Variants in ERCC3 observed in about 807,000 individuals in gnomAD.
The protein encoded by ERCC3 is ERCC excision repair 3, TFIIH core complex helicase subunit, also known as general transcription and DNA repair factor IIH helicase/translocase subunit XPB.
Under a neutral mutation model 94.2 loss-of-function variants are expected in ERCC3, and 66 were observed. The ratio of observed to expected loss-of-function variants is 0.70; its 90% CI spans 0.57 to 0.86. The LOEUF (loss-of-function observed/expected upper bound fraction) is 0.86, where lower values mean the gene tolerates loss of function less well. ERCC3 is among the 40% of genes least tolerant of loss of function. The pLI, the probability that ERCC3 is intolerant of heterozygous loss-of-function variation, is 0.00. For synonymous variants in ERCC3, 349 were observed against 369.1 expected, an observed-to-expected ratio of 0.95 and a Z score of 0.63; for missense variants, 829 against 987.1, an observed-to-expected ratio of 0.84 and a Z score of 2.15.
In ERCC3 at chr2:127,271,479, T is replaced by C; in HGVS notation, c.1828-26A>G. 1 of 1,505,934 alleles carries C rather than the reference T, an allele frequency of 6.6e-7. No individual in the cohort carries two copies. Among genetic ancestry groups the C allele is most frequent in the Non-Finnish European group, 9.2e-7 (1 of 1,087,026 alleles). The allele number at this position is 1,505,934 out of a possible 1,614,324, so 93.3% of individuals were successfully genotyped here. On this transcript the variant is annotated intron_variant, in intron 11 of 14. Transcript: ENST00000285398. This position sits in a 1 kb window ranked among gnomAD's most constrained non-coding sequence, Gnocchi z 5.0. ...CTACAGAAACAAGTTGGAAGGTTTTTATATATGAGGAAAAAAAAAAAGTCA... is the reference window on the plus strand; with the variant it reads ...CTACAGAAACAAGTTGGAAGGTTTTCATATATGAGGAAAAAAAAAAAGTCA...
At chr2:127,268,325 G>A (rs918103020) in intron 12 of ERCC3, among the ~76,000 whole-genome samples, 3 of 151,896 alleles carry the variant, frequency 2.0e-5, no homozygotes, top group Non-Finnish European at 4.4e-5. Flanking sequence ...GTGGTGAGAT[G>A]TCAGATCACT....
intron 7 of ERCC3, 32 bp from the exon 8 acceptor site, chr2:127,287,049 G>A (rs1050699452): frequency 9.6e-6 from 15 of 1,566,810 alleles, no homozygotes; most frequent in Non-Finnish European, 1.3e-5. Flanking sequence ...TCCCACCCAA[G>A]GACAGGTTGA....
chr2:127,290,093 G>T, intron 4 of ERCC3, 131 bp downstream of exon 4: 1 of 862,758 alleles, frequency 1.2e-6, no homozygotes, highest in Non-Finnish European at 2.0e-6. Context: ...CACATCTCTT[G>T]TTTCTCTTCT....
rs1684867209 is a variant in ERCC3, at chr2:127,280,290, TACC to T, written c.1527+154_1527+156del. Among the ~76,000 whole-genome samples, 1 of 152,210 alleles carries T rather than the reference TACC, an allele frequency of 6.6e-6. No individual in the cohort carries two copies. Among genetic ancestry groups the T allele is most frequent in the Non-Finnish European group, 1.5e-5 (1 of 68,036 alleles). The stretch of plus-strand genomic sequence containing the variant: ...GAAGATATGCAGCAAGTGGGTCTAG[TACC>T]ACCCAACCACAGGGTGACTGAGGAT... On this transcript the variant is annotated intron_variant, in intron 9 of 14. Transcript: ENST00000285398. The surrounding 1 kb of genome is among the most constrained non-coding windows in gnomAD (Gnocchi z 6.3).
intron 8 of ERCC3, among the ~76,000 whole-genome samples, chr2:127,286,087 T>A (rs144041261): frequency 1.4e-4 from 22 of 152,250 alleles, no homozygotes; most frequent in Admixed American, 5.2e-4. Context: ...CACCACCATT[T>A]TGGGAAGGGC....
rs1006613674 is a variant in ERCC3, at chr2:127,284,860, T to C, written c.1342+1843A>G. Among the ~76,000 whole-genome samples the C allele has an allele frequency of 6.6e-6, 1 of 151,650 alleles. No individual in the cohort carries two copies. Among genetic ancestry groups the C allele is most frequent in the African/African-American group, 2.4e-5 (1 of 41,266 alleles). On this transcript the variant is annotated intron_variant, in intron 8 of 14. Coordinates refer to ENST00000285398, the MANE Select transcript of ERCC3 (RefSeq NM_000122.2). This position sits in a 1 kb window ranked among gnomAD's most constrained non-coding sequence, Gnocchi z 4.1. ...CACCACACTTGGCTAATTAAAAAAA[T>C]TTTTTTTTGTAGAGACATGTCTCAC... is the stretch of plus-strand genomic sequence containing the variant.
At chr2:127,278,439 T>C (rs1396258908) in intron 10 of ERCC3, among the ~76,000 whole-genome samples, 2 of 152,328 alleles carry the variant, frequency 1.3e-5, no homozygotes, top group East Asian at 3.9e-4. Context: ...TTTAGAAACT[T>C]AAGAAATTTA....
intron 10 of ERCC3, among the ~76,000 whole-genome samples, chr2:127,278,362 G>A (rs1234603259): frequency 6.6e-6 from 1 of 152,152 alleles, no homozygotes; most frequent in Admixed American, 6.5e-5. Flanking sequence ...GGGAATTGCT[G>A]TTTTTCACAA....
chr2:127,283,884 T>C (rs746195818), intron 8 of ERCC3, among the ~76,000 whole-genome samples: 4 of 152,226 alleles, frequency 2.6e-5, no homozygotes, highest in Non-Finnish European at 4.4e-5. Flanking sequence ...TCTATCAATT[T>C]CTTTGGCCTA....
chr2:127,272,977 G>A lies in ERCC3; in HGVS notation c.1731-16C>T. On this transcript the variant is annotated splice_polypyrimidine_tract_variant and intron_variant, in intron 10 of 14. Coordinates refer to ENST00000285398, the MANE Select transcript of ERCC3 (RefSeq NM_000122.2). ...GATATAGGGTCTAGAGAAGAATGAA[G>A]CTGTGTTAGACCACAGAATAATGCC... 6.7e-7 allele frequency: 1 copy of A among 1,499,062 alleles called. No homozygotes were observed. The highest frequency in any genetic ancestry group is 9.3e-7 in the Non-Finnish European group (1 of 1,075,256). 92.9% of individuals were successfully genotyped at this position (1,499,062 alleles called of 1,614,324 possible). A position where few individuals can be genotyped will look rare whatever the true frequency, so the allele number is the denominator to read the frequency against.
At chr2:127,289,933 C>A in intron 4 of ERCC3, 109 bp from the exon 5 acceptor site, 1 of 1,308,874 alleles carries the variant, frequency 7.6e-7, no homozygotes, top group Non-Finnish European at 1.1e-6. Flanking sequence ...TGACTCTCCC[C>A]ACAACCCTTC....
In ERCC3 at chr2:127,292,481, C is replaced by T. The variant is rs903667836; in HGVS notation, c.471+129G>A. On this transcript the variant is annotated intron_variant, in intron 3 of 14. Transcript: ENST00000285398. Reference sequence around the variant, plus strand: ...GAGTGTAGCGGCTGGGGTAATCAGTCGTTATGCTCCCCACAGGAAATCTGA... The same window carrying T: ...GAGTGTAGCGGCTGGGGTAATCAGTTGTTATGCTCCCCACAGGAAATCTGA... 6.6e-5 allele frequency: 52 copies of T among 782,720 alleles called. No homozygotes were observed. The Admixed American group carries it at 8.3e-4, about 13-fold the overall frequency. 48.5% of individuals were successfully genotyped at this position (782,720 alleles called of 1,614,324 possible).
In ERCC3 at chr2:127,288,711, T is replaced by C. The variant is rs1205729889; in HGVS notation, c.976A>G (p.Lys326Glu). 6.2e-7 allele frequency: 1 copy of C among 1,614,158 alleles called. No homozygotes were observed. The highest frequency in any genetic ancestry group is 1.3e-5 in the African/African-American group (1 of 75,036). ...CGTGCACGCCCGTTTCCAAACATCT[T>C]TCGCAAGCTCTTCTCCTGATAGGGT... is the stretch of plus-strand genomic sequence containing the variant. ...LRPYQEKSLR[K>E]MFGNGRARSG... The change falls in exon 7 of 15, where the codon AAG (lysine) becomes GAG (glutamate). Residue 326 changes from lysine to glutamate, a missense_variant. Coordinates refer to ENST00000285398, the MANE Select transcript of ERCC3 (RefSeq NM_000122.2).
intron 3 of ERCC3, chr2:127,292,304 C>T: frequency 4.2e-6 from 2 of 470,930 alleles, no homozygotes; most frequent in Non-Finnish European, 7.9e-6. Flanking sequence ...TCCCTGGCTA[C>T]AATGGGCCTG....
chr2:127,279,425 C>A lies in ERCC3; in HGVS notation c.1528-50G>T, dbSNP rs1488291764. On this transcript the variant is annotated intron_variant, in intron 9 of 14. Transcript: ENST00000285398. This position sits in a 1 kb window ranked among gnomAD's most constrained non-coding sequence, Gnocchi z 4.7. ...TCATTTTACAAGTTTAAACACCACA[C>A]AATTTAAAACTTTTGAAGACCTTTC... 7.1e-7 allele frequency: 1 copy of A among 1,402,588 alleles called. No individual in the cohort carries two copies. Among genetic ancestry groups the A allele is most frequent in the Non-Finnish European group, 1.0e-6 (1 of 987,338 alleles). The allele number at this position is 1,402,588 out of a possible 1,614,324, so 86.9% of individuals were successfully genotyped here.
Position 127,271,356 on chromosome 2 carries a change from C to T in ERCC3, c.1925G>A (p.Arg642Gln), listed in dbSNP as rs1427747564. ...TTTACCTTTTTTAGCTCGAAGCACC[C>T]GCCCTAGCCTTTGGGCTTCCTGACG... ...SRRQEAQRLGRVLRAKKGMVA... is the reference protein window; with the variant it reads ...SRRQEAQRLGQVLRAKKGMVA... Residue 642 changes from arginine to glutamine, a missense_variant, in exon 12 of 15, where the codon CGG (arginine) becomes CAG (glutamine). Transcript: ENST00000285398. This position sits in a 1 kb window ranked among gnomAD's most constrained non-coding sequence, Gnocchi z 5.0. 10 of 1,613,444 alleles carry T rather than the reference C, an allele frequency of 6.2e-6. No individual in the cohort carries two copies. Among genetic ancestry groups the T allele is most frequent in the African/African-American group, 4.0e-5 (3 of 74,860 alleles).
Position 127,293,554 on chromosome 2 carries a change from T to G in ERCC3, c.193A>C (p.Met65Leu). The change falls in exon 2 of 15, where the codon ATG (methionine) becomes CTG (leucine). Residue 65 changes from methionine (M) to leucine (L), a missense_variant. Physicochemically the swap from Met to Leu is conservative, Grantham distance 15. Transcript: ENST00000285398. ...GAGGTGTGGTCGTCCTTCAGCGGCA[T>G]TTGCAGCCTGTAGTCCTTGGCTCCA... ...EYGAKDYRLQMPLKDDHTSRP... is the reference protein window; with the variant it reads ...EYGAKDYRLQLPLKDDHTSRP... 3.7e-6 allele frequency: 6 copies of G among 1,614,182 alleles called. No individual in the cohort carries two copies. Among genetic ancestry groups the G allele is most frequent in the African/African-American group, 1.3e-5 (1 of 75,050 alleles).
At position 127,274,158 on chromosome 2, in the gene ERCC3, A is replaced by T. The variant is rs1458537479; in HGVS notation, c.1731-1197T>A. Among the ~76,000 whole-genome samples, 1 of 151,570 alleles carries T rather than the reference A, an allele frequency of 6.6e-6. No individual in the cohort carries two copies. Among genetic ancestry groups the T allele is most frequent in the Non-Finnish European group, 1.5e-5 (1 of 67,888 alleles). ...GTGAGACCCCATCTCTACTAAAAAT[A>T]AAAAAAATTAGCTGGGTATGGTGGT... On this transcript the variant is annotated intron_variant, in intron 10 of 14. Coordinates refer to ENST00000285398, the MANE Select transcript of ERCC3 (RefSeq NM_000122.2). The surrounding 1 kb of genome is among the most constrained non-coding windows in gnomAD (Gnocchi z 4.0).
intron 7 of ERCC3, among the ~76,000 whole-genome samples, chr2:127,287,652 T>C (rs1048182785): frequency 6.6e-6 from 1 of 151,900 alleles, no homozygotes; most frequent in Non-Finnish European, 1.5e-5. Context: ...AAAAGAAAGA[T>C]TGAAAAACTA....
Sources: gnomAD v4.1 joint callset for allele counts (sites outside exome capture counted in the v4.1 genomes callset) on GRCh38, gnomAD v4.1.1 for gene constraint, Gnocchi (gnomAD v3.1) non-coding constraint, MANE v1.5 for transcripts, NCBI Gene and HGNC (gene_info 2026-07-23, HGNC 2026-07-21) for gene names.